Variants in DOCK2 observed in about 807,000 individuals in gnomAD.
DOCK2 encodes the protein dedicator of cytokinesis protein 2.
In DOCK2, 87 loss-of-function variants were observed where a neutral mutation model predicts 248.9. The ratio of observed to expected loss-of-function variants is 0.35; its 90% confidence interval spans 0.29 to 0.42. The LOEUF (loss-of-function observed/expected upper bound fraction) is 0.42, where lower values mean the gene tolerates loss of function less well. Among genes scored for constraint, DOCK2 ranks in the 10% least tolerant of loss-of-function variants. The pLI is 1.00. For missense variants in DOCK2, 1,747 were observed against 2,300.2 expected, an observed-to-expected ratio of 0.76 and a Z score of 4.92; for synonymous variants, 805 against 821.6, an observed-to-expected ratio of 0.98 and a Z score of 0.35.
intron 27 of DOCK2, among the ~76,000 whole-genome samples, chr5:169,932,579 C>T (rs573119109): frequency 4.6e-5 from 7 of 152,234 alleles, no homozygotes; most frequent in East Asian, 3.9e-4. Context: ...AGACCTGGGA[C>T]GCTTGACACT....
Position 170,082,786 on chromosome 5 carries a change from C to G in DOCK2, c.5431-10C>G. 5 of 1,614,102 alleles carry G rather than the reference C, an allele frequency of 3.1e-6. No individual in the cohort carries two copies. Among genetic ancestry groups the G allele is most frequent in the Non-Finnish European group, 3.4e-6 (4 of 1,180,014 alleles). ...CATCTTGGTTTTGTGCTTGTTTATT[C>G]TCTCAAAAGCTGGCCAGCAAATCGG... On this transcript the variant is annotated splice_polypyrimidine_tract_variant and intron_variant, in intron 51 of 51. Coordinates refer to ENST00000520908, the MANE Select transcript of DOCK2 (RefSeq NM_004946.3).
chr5:169,928,141 C>A (rs1406173019), intron 27 of DOCK2, among the ~76,000 whole-genome samples: 1 of 152,196 alleles, frequency 6.6e-6, no homozygotes, highest in Non-Finnish European at 1.5e-5. Context: ...CAAACCCTTC[C>A]CCCTGCAACT....
At chr5:169,972,653 G>A (rs919217814) in intron 27 of DOCK2, among the ~76,000 whole-genome samples, 11 of 148,324 alleles carry the variant, frequency 7.4e-5, no homozygotes, top group Non-Finnish European at 1.6e-4. Context: ...AATCTCCCCT[G>A]TTAGTCTGAG....
At chr5:169,936,773 A>C (rs1395283216) in intron 27 of DOCK2, among the ~76,000 whole-genome samples, 1 of 152,122 alleles carries the variant, frequency 6.6e-6, no homozygotes, top group East Asian at 1.9e-4. Flanking sequence ...TGATCAGAGG[A>C]TACTAATTAA....
intron 35 of DOCK2, 26 bp from the exon 36 acceptor site, chr5:170,036,486 CTCA>C (rs768647203): frequency 1.2e-6 from 2 of 1,610,182 alleles, no homozygotes; most frequent in Admixed American, 1.7e-5. Flanking sequence ...GAGAACAACA[CTCA>C]TCATTGTTTT....
intron 33 of DOCK2, 137 bp downstream of exon 33, chr5:170,019,245 G>A (rs1422394107): frequency 1.2e-5 from 16 of 1,318,634 alleles, no homozygotes; most frequent in African/African-American, 4.4e-5. Context: ...TCATGGGTCC[G>A]GAATGAGCTG....
chr5:169,645,216 T>C (rs1451553895), intron 1 of DOCK2, among the ~76,000 whole-genome samples: 3 of 152,082 alleles, frequency 2.0e-5, no homozygotes, highest in African/African-American at 7.2e-5. Context: ...GAGGAATTGT[T>C]TTCCACAATA....
At chr5:169,819,051 G>A (rs574161703) in intron 26 of DOCK2, among the ~76,000 whole-genome samples, 6 of 152,248 alleles carry the variant, frequency 3.9e-5, no homozygotes, top group East Asian at 1.9e-4. Flanking sequence ...AAATGCCTTC[G>A]CTTTTATATC....
rs115513231 is a variant in DOCK2 at position 169,640,313 on chromosome 5, G to A, written c.43+2944G>A. Among the ~76,000 whole-genome samples the A allele has an allele frequency of 3.6e-3, 551 of 152,324 alleles. 1 individual carries two copies. The highest frequency in any genetic ancestry group is 0.02 in the Middle Eastern group (6 of 294). On this transcript the variant is annotated intron_variant, in intron 1 of 51. Coordinates refer to ENST00000520908, the MANE Select transcript of DOCK2 (RefSeq NM_004946.3). ...CAAGGCAGGAGTCCTGAGATAAAGGGTGAGGGTAGAAAAGAGTTTTGTTTA... is the reference window on the plus strand; with the variant it reads ...CAAGGCAGGAGTCCTGAGATAAAGGATGAGGGTAGAAAAGAGTTTTGTTTA...
rs556622688 is a variant in DOCK2 at position 170,076,135 on chromosome 5, A to C, written c.4866+51A>C. On this transcript the variant is annotated intron_variant, in intron 47 of 51. Coordinates refer to ENST00000520908, the MANE Select transcript of DOCK2 (RefSeq NM_004946.3). ...GGGGTGGGATTGTGCAGGGTGGGGC[A>C]GGGAAGCATGCTGGAGGCTGAAGTT... is the stretch of plus-strand genomic sequence containing the variant. 168 of 1,590,906 alleles carry C rather than the reference A, an allele frequency of 1.1e-4. 1 individual carries two copies. In the South Asian group the frequency reaches 1.8e-3, roughly 17 times the overall value.
intron 27 of DOCK2, among the ~76,000 whole-genome samples, chr5:169,960,646 G>A (rs763887180): frequency 6.6e-6 from 1 of 152,164 alleles, no homozygotes; most frequent in Non-Finnish European, 1.5e-5. Context: ...TTAGTCACCT[G>A]TACTTGTGTG....
chr5:169,891,211 C>A (rs1463475289), intron 27 of DOCK2, among the ~76,000 whole-genome samples: 1 of 152,148 alleles, frequency 6.6e-6, no homozygotes, highest in Non-Finnish European at 1.5e-5. Context: ...TCCCCAGATC[C>A]TTCCAAGCCT....
At chr5:169,910,997 G>C (rs899669552) in intron 27 of DOCK2, among the ~76,000 whole-genome samples, 2 of 152,164 alleles carry the variant, frequency 1.3e-5, no homozygotes, top group African/African-American at 2.4e-5. Context: ...GAAACCCTCA[G>C]GTGCCTCCAA....
intron 17 of DOCK2, among the ~76,000 whole-genome samples, chr5:169,713,719 C>G (rs1214905946): frequency 6.6e-6 from 1 of 152,090 alleles, no homozygotes; most frequent in Middle Eastern, 3.4e-3. Flanking sequence ...ATTATGGTCT[C>G]AAAAAAAGGA....
At chr5:169,967,501 G>A (rs1777346508) in intron 27 of DOCK2, among the ~76,000 whole-genome samples, 1 of 152,156 alleles carries the variant, frequency 6.6e-6, no homozygotes, top group Admixed American at 6.5e-5. Context: ...AAAGGGAAGA[G>A]TAGGAAGAGT....
intron 27 of DOCK2, chr5:169,864,365 G>T: frequency 6.4e-7 from 1 of 1,551,568 alleles, no homozygotes; most frequent in Non-Finnish European, 8.7e-7. Context: ...GGGGACTTTG[G>T]TGGGGGCGAT....
chr5:169,650,224 T>C (rs1450837397), intron 1 of DOCK2, among the ~76,000 whole-genome samples: 1 of 152,218 alleles, frequency 6.6e-6, no homozygotes, highest in Non-Finnish European at 1.5e-5. Flanking sequence ...ACACTAGATG[T>C]TCACATGGAT....
At chr5:169,707,037 A>G (rs1269522285) in intron 14 of DOCK2, among the ~76,000 whole-genome samples, 3 of 152,180 alleles carry the variant, frequency 2.0e-5, no homozygotes, top group Non-Finnish European at 4.4e-5. Context: ...ACAGTTTGCA[A>G]TTTCAGGGGC....
intron 43 of DOCK2, chr5:170,057,229 T>A (rs533973831): frequency 2.6e-6 from 1 of 389,336 alleles, no homozygotes; most frequent in South Asian, 2.3e-5. Context: ...GGACAGTAAT[T>A]CTTAATATTT....
Sources: allele counts gnomAD v4.1 joint callset (sites outside exome capture counted in the v4.1 genomes callset), GRCh38; gene constraint gnomAD v4.1.1; transcripts MANE v1.5; gene names NCBI Gene and HGNC (gene_info 2026-07-23, HGNC 2026-07-21).